The following NOL10 variants were observed in gnomAD, a reference collection of about 807,000 sequenced individuals.
NOL10 encodes the protein nucleolar protein 10.
Under a neutral mutation model 103.5 loss-of-function variants are expected in NOL10, and 58 were observed. That is an observed-to-expected ratio of 0.56 (90% CI 0.45 to 0.70). NOL10 has a LOEUF of 0.70. Among genes scored for constraint, NOL10 ranks in the 30% least tolerant of loss-of-function variants. The probability of loss-of-function intolerance (pLI) is 0.00; values close to 1 mark genes in which losing one functional copy is unlikely to be tolerated. For synonymous variants in NOL10, 287 were observed against 282.5 expected (o/e 1.02, Z -0.16); for missense variants, 763 against 807.3 (o/e 0.95, Z 0.67).
intron 3 of NOL10, among the ~76,000 whole-genome samples, chr2:10,680,255 T>A (rs1681642971): frequency 6.8e-6 from 1 of 147,648 alleles, no homozygotes. Context: ...CCAGACTGGG[T>A]GACAGAGTGA....
At chr2:10,631,392 G>A (rs1002283081) in intron 13 of NOL10, among the ~76,000 whole-genome samples, 7 of 152,146 alleles carry the variant, frequency 4.6e-5, no homozygotes, top group African/African-American at 1.7e-4. Flanking sequence ...CAATAAGGCT[G>A]TCATACTCTA....
At chr2:10,584,057 C>A (rs1002572673) in intron 19 of NOL10, among the ~76,000 whole-genome samples, 6 of 152,160 alleles carry the variant, frequency 3.9e-5, no homozygotes, top group African/African-American at 9.7e-5. Context: ...TAGGAAGGCA[C>A]CCCCAACCCT....
intron 13 of NOL10, among the ~76,000 whole-genome samples, chr2:10,608,393 AT>A (rs1395604334): frequency 6.6e-6 from 1 of 152,198 alleles, no homozygotes; most frequent in African/African-American, 2.4e-5. Context: ...CACTTTGTAC[AT>A]TTTTGCTATT....
At chr2:10,591,918 G>A (rs138674516) in intron 17 of NOL10, among the ~76,000 whole-genome samples, 13 of 152,106 alleles carry the variant, frequency 8.5e-5, no homozygotes, top group Non-Finnish European at 1.3e-4. Flanking sequence ...TAGGAGGATC[G>A]CTTGAGCCTG....
intron 12 of NOL10, among the ~76,000 whole-genome samples, chr2:10,650,639 G>C (rs1157145791): frequency 6.6e-6 from 1 of 152,070 alleles, no homozygotes; most frequent in Non-Finnish European, 1.5e-5. Flanking sequence ...CGTATCTGTA[G>C]CCTCAGCTAC....
chr2:10,582,584 C>T (rs1384536194), intron 19 of NOL10, among the ~76,000 whole-genome samples: 1 of 152,196 alleles, frequency 6.6e-6, no homozygotes, highest in South Asian at 2.1e-4. Flanking sequence ...CTGAGGCCAA[C>T]AAGCATGGCC....
chr2:10,604,854 T>C (rs1307731191), intron 14 of NOL10: 3 of 152,224 alleles, frequency 2.0e-5, no homozygotes, highest in Non-Finnish European at 4.4e-5. Context: ...TCAAGTAAGT[T>C]TGGGAAATGT....
At chr2:10,681,378 C>T (rs1681742619) in intron 3 of NOL10, among the ~76,000 whole-genome samples, 1 of 151,642 alleles carries the variant, frequency 6.6e-6, no homozygotes, top group Non-Finnish European at 1.5e-5. Flanking sequence ...AAAGAATATA[C>T]AGTGTATGAC....
At chr2:10,679,712 G>A (rs747399526) in intron 3 of NOL10, among the ~76,000 whole-genome samples, 19 of 151,984 alleles carry the variant, frequency 1.3e-4, no homozygotes, top group Admixed American at 6.6e-4. Context: ...TGCAACCTCC[G>A]CCACATGGGT....
intron 13 of NOL10, among the ~76,000 whole-genome samples, chr2:10,610,936 T>C (rs6721514): frequency 0.59 from 89,963 of 152,070 alleles, 27,629 homozygotes; most frequent in African/African-American, 0.74. Context: ...GCTTCAGTCA[T>C]ACCATGTTGC....
In NOL10 at chr2:10,689,917, A is replaced by C; in HGVS notation, c.-56T>G. On this transcript the variant is annotated 5_prime_UTR_variant, in exon 1 of 21. Coordinates refer to ENST00000381685, the MANE Select transcript of NOL10 (RefSeq NM_024894.4). ...TCCTTTCCCACCAGCGTGCTCGAGC[A>C]CCGTAATCCCGGGACCTCCGAGCCC... The C allele has an allele frequency of 6.5e-7, 1 of 1,527,794 alleles. No homozygotes were observed. Among genetic ancestry groups the C allele is most frequent in the Non-Finnish European group, 8.9e-7 (1 of 1,122,238 alleles). The allele number at this position is 1,527,794 out of a possible 1,614,324, so 94.6% of individuals were successfully genotyped here. A position where few individuals can be genotyped will look rare whatever the true frequency, so the allele number is the denominator to read the frequency against.
chr2:10,591,429 T>C (rs577924652), intron 17 of NOL10, among the ~76,000 whole-genome samples: 7 of 152,050 alleles, frequency 4.6e-5, no homozygotes, highest in Non-Finnish European at 7.4e-5. Flanking sequence ...TTTCAACAAG[T>C]AGAAATCTGA....
chr2:10,645,770 C>A (rs1333753331), intron 12 of NOL10, among the ~76,000 whole-genome samples: 1 of 151,946 alleles, frequency 6.6e-6, no homozygotes, highest in African/African-American at 2.4e-5. Flanking sequence ...ACCTCATGAT[C>A]CGCCCGCCTC....
intron 20 of NOL10, among the ~76,000 whole-genome samples, chr2:10,577,022 G>C (rs943197143): frequency 3.3e-5 from 5 of 152,006 alleles, no homozygotes; most frequent in Non-Finnish European, 2.9e-5. Flanking sequence ...ACTGTATCCA[G>C]TTAACAGTAA....
chr2:10,661,833 T>G (rs1422329449), intron 9 of NOL10, among the ~76,000 whole-genome samples: 1 of 151,790 alleles, frequency 6.6e-6, no homozygotes, highest in Non-Finnish European at 1.5e-5. Flanking sequence ...CTTCTAAGGT[T>G]TGTAGGGAAA....
intron 19 of NOL10, among the ~76,000 whole-genome samples, chr2:10,584,747 T>C (rs889124730): frequency 6.6e-6 from 1 of 152,252 alleles, no homozygotes; most frequent in African/African-American, 2.4e-5. Flanking sequence ...AATGTTTAAC[T>C]TGGTGATATT....
intron 12 of NOL10, among the ~76,000 whole-genome samples, chr2:10,653,365 A>G (rs1322849734): frequency 3.3e-5 from 5 of 152,124 alleles, no homozygotes; most frequent in Non-Finnish European, 7.4e-5. Context: ...TAATCCTCAC[A>G]CGTTAGAAAA....
At position 10,638,649 on chromosome 2, in the gene NOL10, C is replaced by A. The variant is rs1365680955; in HGVS notation, c.1026+5671G>T. On this transcript the variant is annotated intron_variant, in intron 13 of 20. Transcript: ENST00000381685. ...TGGGATTACAGGTGCCCACAATGAC[C>A]CCCGGCTGATTTTTTGTCTCTTTAG... Among the ~76,000 whole-genome samples the A allele has an allele frequency of 3.5e-4, 53 of 150,164 alleles. 1 individual carries two copies. The highest frequency in any genetic ancestry group is 5.9e-5 in the Non-Finnish European group (4 of 67,652).
intron 19 of NOL10, among the ~76,000 whole-genome samples, chr2:10,585,024 C>A (rs1674951707): frequency 2.0e-5 from 3 of 152,204 alleles, no homozygotes; most frequent in Admixed American, 2.0e-4. Context: ...CAACTGCTCC[C>A]AGATTTTCCT....
Sources: gnomAD v4.1 joint callset for allele counts (sites outside exome capture counted in the v4.1 genomes callset) on GRCh38, gnomAD v4.1.1 for gene constraint, MANE v1.5 for transcripts, NCBI Gene and HGNC (gene_info 2026-07-23, HGNC 2026-07-21) for gene names.